The following VPS41 variants were observed in gnomAD, a reference collection of about 807,000 sequenced individuals.
The protein encoded by VPS41 is VPS41 subunit of HOPS complex.
In VPS41, 85 loss-of-function variants were observed where a neutral mutation model predicts 130.9. The observed-to-expected ratio is 0.65, with a 90% confidence interval of 0.55 to 0.78. VPS41 has a LOEUF of 0.78. Among genes scored for constraint, VPS41 ranks in the 30% least tolerant of loss-of-function variants. The pLI, the probability that VPS41 is intolerant of heterozygous loss-of-function variation, is 0.00. For missense variants in VPS41, 874 were observed against 1,018.7 expected, an observed-to-expected ratio of 0.86 and a Z score of 1.93; for synonymous variants, 335 against 332.9, an observed-to-expected ratio of 1.01 and a Z score of -0.07.
chr7:38,801,516 A>G (rs532147387), intron 7 of VPS41, among the ~76,000 whole-genome samples: 1 of 152,370 alleles, frequency 6.6e-6, no homozygotes, highest in East Asian at 1.9e-4. Context: ...AAACATACTA[A>G]GGAAATACTA....
At chr7:38,779,723 T>C (rs1349851726) in intron 10 of VPS41, among the ~76,000 whole-genome samples, 1 of 152,224 alleles carries the variant, frequency 6.6e-6, no homozygotes, top group Non-Finnish European at 1.5e-5. Context: ...AAGGGCTGGC[T>C]GCAGACAGTG....
intron 4 of VPS41, among the ~76,000 whole-genome samples, chr7:38,842,609 G>A (rs977261878): frequency 5.9e-5 from 9 of 152,102 alleles, no homozygotes; most frequent in Admixed American, 5.2e-4. Context: ...CTCATTTCCA[G>A]CCAGACCCAA....
chr7:38,748,319 A>C (rs1408574584), intron 22 of VPS41, among the ~76,000 whole-genome samples: 1 of 152,216 alleles, frequency 6.6e-6, no homozygotes, highest in Non-Finnish European at 1.5e-5. Context: ...ATAATATTTT[A>C]ATTCTCCTCT....
intron 15 of VPS41, among the ~76,000 whole-genome samples, chr7:38,766,031 A>G (rs1365636521): frequency 6.6e-6 from 1 of 152,236 alleles, no homozygotes; most frequent in Non-Finnish European, 1.5e-5. Context: ...GTCATACCCC[A>G]AAGTGCCAGA....
At chr7:38,752,617 CAATT>C (rs1783700687) in intron 21 of VPS41, among the ~76,000 whole-genome samples, 1 of 152,154 alleles carries the variant, frequency 6.6e-6, no homozygotes, top group South Asian at 2.1e-4. Context: ...GTTACTGTGA[CAATT>C]AAACGAGTTG....
At chr7:38,898,198 A>C (rs374296032) in intron 1 of VPS41, 69 bp from the exon 2 acceptor site, 297 of 1,369,046 alleles carry the variant, frequency 2.2e-4, no homozygotes, top group Non-Finnish European at 2.9e-4. Flanking sequence ...AAGGGGAAAG[A>C]GTCCTCATGT....
intron 22 of VPS41, among the ~76,000 whole-genome samples, chr7:38,748,038 T>A (rs1257430508): frequency 6.6e-6 from 1 of 152,234 alleles, no homozygotes; most frequent in African/African-American, 2.4e-5. Flanking sequence ...TCTAACAGTA[T>A]CTTAAATTAT....
intron 6 of VPS41, among the ~76,000 whole-genome samples, chr7:38,820,413 A>G (rs2116116451): frequency 6.6e-6 from 1 of 152,224 alleles, no homozygotes; most frequent in African/African-American, 2.4e-5. Flanking sequence ...AAAATAAATG[A>G]CCTCTTCCTT....
chr7:38,852,090 C>T (rs1785868529), intron 4 of VPS41, among the ~76,000 whole-genome samples: 1 of 152,116 alleles, frequency 6.6e-6, no homozygotes, highest in Non-Finnish European at 1.5e-5. Context: ...CAAAGTTGTG[C>T]GTTTTCAGTT....
chr7:38,812,021 A>G (rs1480731534), intron 7 of VPS41, among the ~76,000 whole-genome samples: 2 of 152,048 alleles, frequency 1.3e-5, no homozygotes, highest in Non-Finnish European at 2.9e-5. Flanking sequence ...CTAAGATGTG[A>G]TGTTCAGTAG....
At position 38,752,236 on chromosome 7, in the gene VPS41, T is replaced by C; in HGVS notation, c.1866A>G (p.Glu622=). ...AGGGAAGTAAGTTTGGTCGATCATATTCAGCATAAAGACTGATCTGTTTTT... is the reference window on the plus strand; with the variant it reads ...AGGGAAGTAAGTTTGGTCGATCATACTCAGCATAAAGACTGATCTGTTTTT... ...YHEKQISLYA[E]YDRPNLLPFL... Residue 622 remains glutamate, a synonymous_variant, in exon 22 of 29, where the codon GAA becomes GAG. Coordinates refer to ENST00000310301, the MANE Select transcript of VPS41 (RefSeq NM_014396.4). The C allele has an allele frequency of 1.2e-6, 2 of 1,614,010 alleles. No homozygotes were observed. Among genetic ancestry groups the C allele is most frequent in the Non-Finnish European group, 1.7e-6 (2 of 1,179,904 alleles).
chr7:38,881,228 CTCCTT>C (rs1383457301), intron 2 of VPS41, among the ~76,000 whole-genome samples: 1 of 152,304 alleles, frequency 6.6e-6, no homozygotes, highest in South Asian at 2.1e-4. Flanking sequence ...TCCCTTTCCT[CTCCTT>C]TTCCAGCTTC....
intron 2 of VPS41, among the ~76,000 whole-genome samples, chr7:38,891,948 T>G (rs1786876289): frequency 6.6e-6 from 1 of 152,092 alleles, no homozygotes; most frequent in Admixed American, 6.5e-5. Context: ...ATAAATATTT[T>G]TATAATTGTT....
chr7:38,892,135 A>G (rs1013019844), intron 2 of VPS41, among the ~76,000 whole-genome samples: 1 of 152,118 alleles, frequency 6.6e-6, no homozygotes, highest in Non-Finnish European at 1.5e-5. Flanking sequence ...AAATCTCATT[A>G]TTATACATAG....
At position 38,763,530 on chromosome 7, in the gene VPS41, C is replaced by T. The variant is rs931669523; in HGVS notation, c.1347G>A (p.Leu449=). 6.3e-7 allele frequency: 1 copy of T among 1,599,486 alleles called. No individual in the cohort carries two copies. Among genetic ancestry groups the T allele is most frequent in the Non-Finnish European group, 8.5e-7 (1 of 1,174,570 alleles). Residue 449 remains leucine, a synonymous_variant, in exon 17 of 29, where the codon TTG becomes TTA. Coordinates refer to ENST00000310301, the MANE Select transcript of VPS41 (RefSeq NM_014396.4). ...IGQLKAISPY[L]PRGDPVLKPL... ...GTTTCAGAACTGGATCACCTCTTGG[C>T]AAATAAGGACTAATAGCCTAGGTAA... is the stretch of plus-strand genomic sequence containing the variant.
intron 2 of VPS41, among the ~76,000 whole-genome samples, chr7:38,884,712 T>C (rs566327914): frequency 6.6e-6 from 1 of 152,318 alleles, no homozygotes; most frequent in African/African-American, 2.4e-5. Context: ...AGTAATACAA[T>C]GCGCACACAA....
intron 1 of VPS41, among the ~76,000 whole-genome samples, chr7:38,906,539 A>G (rs1584457530): frequency 6.6e-6 from 1 of 152,054 alleles, no homozygotes; most frequent in Admixed American, 6.6e-5. Context: ...GGGTTTTGCT[A>G]TGTTGCCCAG....
intron 2 of VPS41, among the ~76,000 whole-genome samples, chr7:38,875,285 A>G (rs1286351707): frequency 6.6e-6 from 1 of 152,188 alleles, no homozygotes; most frequent in Non-Finnish European, 1.5e-5. Context: ...TGAATAATAT[A>G]GGACATCTCC....
At chr7:38,818,827 A>G (rs1785111965) in intron 6 of VPS41, among the ~76,000 whole-genome samples, 1 of 152,202 alleles carries the variant, frequency 6.6e-6, no homozygotes, top group African/African-American at 2.4e-5. Context: ...TATACCTTCA[A>G]TTAAACATAT....
Sources: allele counts gnomAD v4.1 joint callset (sites outside exome capture counted in the v4.1 genomes callset), GRCh38; gene constraint gnomAD v4.1.1; transcripts MANE v1.5; gene names NCBI Gene and HGNC (gene_info 2026-07-23, HGNC 2026-07-21).